The following MAGI2 variants were observed in gnomAD, a reference collection of about 807,000 sequenced individuals.
The protein encoded by MAGI2 is membrane-associated guanylate kinase, WW and PDZ domain-containing protein 2.
In MAGI2, 35 loss-of-function variants were observed where a neutral mutation model predicts 133.3. That is an observed-to-expected ratio of 0.26 (90% CI 0.20 to 0.35). MAGI2 has a LOEUF of 0.35. MAGI2 is among the 10% of genes least tolerant of loss of function. The pLI, the probability that MAGI2 is intolerant of heterozygous loss-of-function variation, is 1.00. For synonymous variants in MAGI2, 729 were observed against 710.6 expected (o/e 1.03, Z -0.41); for missense variants, 1,636 against 1,863.4 (o/e 0.88, Z 2.25).
intron 9 of MAGI2, among the ~76,000 whole-genome samples, chr7:78,339,786 A>G (rs1385491431): frequency 2.6e-5 from 4 of 152,222 alleles, no homozygotes; most frequent in Non-Finnish European, 4.4e-5. Flanking sequence ...TCACTCTTGT[A>G]GAAAATTATG....
intron 1 of MAGI2, among the ~76,000 whole-genome samples, chr7:79,430,844 T>C (rs192026973): frequency 6.6e-6 from 1 of 152,336 alleles, no homozygotes; most frequent in Admixed American, 6.5e-5. Flanking sequence ...AACTATGCCA[T>C]AGTGTTAAAC....
chr7:78,369,295 T>G (rs577376567), intron 6 of MAGI2, 82 bp from the exon 7 acceptor site: 1 of 1,003,494 alleles, frequency 1.0e-6, no homozygotes, highest in Admixed American at 2.1e-5. Flanking sequence ...TGTTCATGGA[T>G]TGCAGAAATG....
In MAGI2 at chr7:79,383,736, C is replaced by G. The variant is rs1371563579; in HGVS notation, c.301+69284G>C. ...AATAGTAAAATTCAACATCAATAAG[C>G]CAAAAGAAAAAATACATCTTTATTT... On this transcript the variant is annotated intron_variant, in intron 1 of 21. Transcript: ENST00000354212. Among the ~76,000 whole-genome samples, 3 of 150,916 alleles carry G rather than the reference C, an allele frequency of 2.0e-5. No individual in the cohort carries two copies. The East Asian group carries it at 5.8e-4, about 29-fold the overall frequency.
chr7:78,974,653 T>C (rs1199443426), intron 2 of MAGI2, among the ~76,000 whole-genome samples: 1 of 151,818 alleles, frequency 6.6e-6, no homozygotes, highest in African/African-American at 2.4e-5. Flanking sequence ...TCTGGGAATT[T>C]AGAAATTTTT....
chr7:78,130,616 AACAATC>A (rs1821471426), intron 18 of MAGI2, among the ~76,000 whole-genome samples: 1 of 152,234 alleles, frequency 6.6e-6, no homozygotes, highest in Non-Finnish European at 1.5e-5. Flanking sequence ...TGCCACCACC[AACAATC>A]ACAGAGTTCA....
chr7:78,799,082 A>G (rs1264903060), intron 2 of MAGI2, among the ~76,000 whole-genome samples: 3 of 152,272 alleles, frequency 2.0e-5, no homozygotes, highest in Admixed American at 2.0e-4. Flanking sequence ...TTTAAAATTT[A>G]TTCTTTCTTT....
chr7:78,830,707 T>C (rs532003925), intron 2 of MAGI2, among the ~76,000 whole-genome samples: 1 of 152,270 alleles, frequency 6.6e-6, no homozygotes, highest in African/African-American at 2.4e-5. Flanking sequence ...ACTTAGAGTG[T>C]GATTCAAGAA....
intron 1 of MAGI2, among the ~76,000 whole-genome samples, chr7:79,248,134 T>C (rs1832955832): frequency 6.6e-6 from 1 of 151,802 alleles, no homozygotes; most frequent in Non-Finnish European, 1.5e-5. Flanking sequence ...ACTTGACCCA[T>C]AAAGACAAAA....
chr7:79,036,404 G>A (rs943666334), intron 1 of MAGI2, among the ~76,000 whole-genome samples: 5 of 152,148 alleles, frequency 3.3e-5, no homozygotes, highest in Admixed American at 2.6e-4. Flanking sequence ...TTTCCTACAT[G>A]ACTGAGGATT....
intron 3 of MAGI2, among the ~76,000 whole-genome samples, chr7:78,598,055 G>T (rs1804804870): frequency 6.6e-6 from 1 of 151,900 alleles, no homozygotes; most frequent in Admixed American, 6.6e-5. Flanking sequence ...TATCTTCCTG[G>T]GATGGTCCTC....
chr7:78,434,281 T>C (rs762650961), intron 6 of MAGI2, among the ~76,000 whole-genome samples: 5 of 152,036 alleles, frequency 3.3e-5, no homozygotes, highest in Non-Finnish European at 5.9e-5. Flanking sequence ...ACCTGGAAAA[T>C]TGAATGAAAA....
intron 9 of MAGI2, among the ~76,000 whole-genome samples, chr7:78,271,259 A>G (rs1487367849): frequency 6.7e-6 from 1 of 149,930 alleles, no homozygotes; most frequent in Non-Finnish European, 1.5e-5. Context: ...CGTTTATGTG[A>G]TGCATTATGT....
At chr7:78,443,504 G>A (rs4548111) in intron 6 of MAGI2, among the ~76,000 whole-genome samples, 122,372 of 152,060 alleles carry the variant, frequency 0.8, 50,554 homozygotes, top group East Asian at 0.91. Context: ...AACATAATAA[G>A]CCCTCTATAA....
intron 2 of MAGI2, among the ~76,000 whole-genome samples, chr7:78,952,283 C>T (rs944037013): frequency 5.9e-5 from 9 of 152,100 alleles, no homozygotes; most frequent in African/African-American, 1.9e-4. Context: ...TTCCAAGTGA[C>T]TCTGATATGG....
chr7:78,543,486 T>C (rs1204101551), intron 3 of MAGI2, among the ~76,000 whole-genome samples: 1 of 152,220 alleles, frequency 6.6e-6, no homozygotes, highest in Non-Finnish European at 1.5e-5. Context: ...CATTGGGACA[T>C]AAATGCAAAT....
intron 2 of MAGI2, among the ~76,000 whole-genome samples, chr7:78,711,231 A>G (rs1167787677): frequency 6.6e-6 from 1 of 152,176 alleles, no homozygotes; most frequent in Non-Finnish European, 1.5e-5. Context: ...CTGTGCTGGC[A>G]TCAGCATGAG....
intron 3 of MAGI2, among the ~76,000 whole-genome samples, chr7:78,609,913 G>T (rs529042922): frequency 4.6e-5 from 7 of 152,062 alleles, no homozygotes; most frequent in African/African-American, 1.7e-4. Flanking sequence ...GTTTCCAGGT[G>T]GCCATCTTAA....
chr7:78,216,455 A>C lies in MAGI2; in HGVS notation c.2048-15262T>G, dbSNP rs541195563. Among the ~76,000 whole-genome samples the C allele has an allele frequency of 3.3e-5, 5 of 152,304 alleles. No individual in the cohort carries two copies. The East Asian group carries it at 5.8e-4, about 18-fold the overall frequency. ...TGGCTTCCCCATGCTTGTAAGAACA[A>C]AGTGAAAATCCTTTGTAGGACCCTA... On this transcript the variant is annotated intron_variant, in intron 10 of 21. Coordinates refer to ENST00000354212, the MANE Select transcript of MAGI2 (RefSeq NM_012301.4).
At chr7:79,292,770 CAAAAAAAAAAAAAA>C (rs199933554) in intron 1 of MAGI2, among the ~76,000 whole-genome samples, 1,686 of 57,530 alleles carry the variant, frequency 0.029, 45 homozygotes, top group African/African-American at 0.075. Flanking sequence ...TCAATTTCTG[CAAAAAAAAAAAAAA>C]AAAAAAAAAA....
Sources: gnomAD v4.1 joint callset for allele counts (sites outside exome capture counted in the v4.1 genomes callset) on GRCh38, gnomAD v4.1.1 for gene constraint, MANE v1.5 for transcripts, NCBI Gene and HGNC (gene_info 2026-07-23, HGNC 2026-07-21) for gene names.